The following ZNF469 variants were observed in gnomAD, a reference collection of about 807,000 sequenced individuals.
The protein encoded by ZNF469 is zinc finger protein 469.
Under a neutral mutation model 1.0 loss-of-function variants are expected in ZNF469, and 1 was observed. The ratio of observed to expected loss-of-function variants is 1.00; its 90% CI spans 0.35 to 4.73. The LOEUF is 4.73. Ranked by LOEUF, ZNF469 falls within the 30% of genes most tolerant of loss-of-function variation. ZNF469 has a pLI of 0.16. For missense variants in ZNF469, 6,100 were observed against 5,356.3 expected, an observed-to-expected ratio of 1.14 and a Z score of -4.33; for synonymous variants, 2,703 against 2,363.4, an observed-to-expected ratio of 1.14 and a Z score of -4.17.
chr16:88,191,996 C>T, the ZNF469 span: 1 of 152,194 alleles, frequency 6.6e-6, no homozygotes, highest in Non-Finnish European at 1.5e-5. Flanking sequence ...TTAGATGAGG[C>T]CATGAAGGTG....
the ZNF469 span, among the ~76,000 whole-genome samples, chr16:88,336,575 G>A: frequency 1.3e-5 from 2 of 150,632 alleles, no homozygotes; most frequent in East Asian, 2.0e-4. Context: ...CATCCTTCAT[G>A]TGAGACACTG....
chr16:88,179,633 G>T, the ZNF469 span, among the ~76,000 whole-genome samples: 4 of 152,194 alleles, frequency 2.6e-5, no homozygotes, highest in African/African-American at 7.2e-5. Context: ...TCCAGCAGGG[G>T]CCTGGAAGTC....
the ZNF469 span, among the ~76,000 whole-genome samples, chr16:88,126,908 C>A: frequency 6.6e-6 from 1 of 152,016 alleles, no homozygotes; most frequent in Non-Finnish European, 1.5e-5. Flanking sequence ...CAACCTCTGT[C>A]CCCCGGGTTC....
the ZNF469 span, among the ~76,000 whole-genome samples, chr16:88,360,535 C>G: frequency 1.5e-5 from 2 of 133,890 alleles, no homozygotes; most frequent in Non-Finnish European, 1.6e-5. Flanking sequence ...CGCCTGCATG[C>G]TCCCTCAAAG....
At chr16:88,109,528 C>A in the ZNF469 span, among the ~76,000 whole-genome samples, 1 of 151,398 alleles carries the variant, frequency 6.6e-6, no homozygotes, top group Non-Finnish European at 1.5e-5. Flanking sequence ...CACGCTGTCT[C>A]CTCCCTGGGA....
chr16:88,287,726 G>C, the ZNF469 span, among the ~76,000 whole-genome samples: 1 of 152,246 alleles, frequency 6.6e-6, no homozygotes, highest in South Asian at 2.1e-4. Context: ...ATGAATGCTG[G>C]TGTGACGCTA....
chr16:88,101,611 C>A, the ZNF469 span, among the ~76,000 whole-genome samples: 2 of 151,494 alleles, frequency 1.3e-5, no homozygotes, highest in Non-Finnish European at 2.9e-5. Context: ...CCCGGCCACC[C>A]AGGGGCAGGA....
the ZNF469 span, among the ~76,000 whole-genome samples, chr16:88,247,049 GAGTGAGTGAT>G: frequency 2.3e-5 from 2 of 86,994 alleles, no homozygotes; most frequent in Non-Finnish European, 4.1e-5. Context: ...GTGAATGAAT[GAGTGAGTGAT>G]TGAGTGAGTG....
chr16:88,247,969 C>T, the ZNF469 span, among the ~76,000 whole-genome samples: 3 of 152,184 alleles, frequency 2.0e-5, no homozygotes, highest in Admixed American at 1.3e-4. Flanking sequence ...CAGTGGTCGT[C>T]CCAAGCTGTG....
At chr16:88,331,300 CCATCATTAT>C in the ZNF469 span, among the ~76,000 whole-genome samples, 3 of 150,464 alleles carry the variant, frequency 2.0e-5, no homozygotes, top group Admixed American at 2.0e-4. Context: ...ACCACCATCA[CCATCATTAT>C]CATCATTGTT....
the ZNF469 span, among the ~76,000 whole-genome samples, chr16:88,152,826 T>C: frequency 6.6e-6 from 1 of 152,210 alleles, no homozygotes; most frequent in Non-Finnish European, 1.5e-5. This position sits in a 1 kb window ranked among gnomAD's most constrained non-coding sequence, Gnocchi z 4.2. Flanking sequence ...TTTGTGTTTC[T>C]GACACAAACC....
In ZNF469 at chr16:88,439,789, A is replaced by G. The variant is rs3896672; in HGVS notation, c.*457A>G. On this transcript the variant is annotated 3_prime_UTR_variant, in exon 3 of 3. Transcript: ENST00000565624. The stretch of plus-strand genomic sequence containing the variant: ...GTCTTGCTGCTGTTGCTGGAATTCC[A>G]AAGTGACCTTAGAAACCACGTGGGG... 8.4e-6 allele frequency: 2 copies of G among 237,444 alleles called. No homozygotes were observed. Among genetic ancestry groups the G allele is most frequent in the Admixed American group, 5.2e-5 (1 of 19,194 alleles). The allele number at this position is 237,444 out of a possible 1,614,324, so 14.7% of individuals were successfully genotyped here. A position where few individuals can be genotyped will look rare whatever the true frequency, so the allele number is the denominator to read the frequency against.
the ZNF469 span, among the ~76,000 whole-genome samples, chr16:88,209,651 G>C: frequency 1.3e-5 from 2 of 152,142 alleles, no homozygotes; most frequent in African/African-American, 2.4e-5. Context: ...TTACCCAGAA[G>C]ATGGCATGTT....
upstream of ZNF469, among the ~76,000 whole-genome samples, chr16:88,380,923 CACA>C (rs1567495725): frequency 5.9e-4 from 30 of 50,696 alleles, 1 homozygote; most frequent in African/African-American, 9.2e-3. Flanking sequence ...CATGCACTCA[CACA>C]GACACGCACT....
the ZNF469 span, among the ~76,000 whole-genome samples, chr16:88,236,953 T>G: frequency 1.3e-5 from 2 of 152,170 alleles, no homozygotes; most frequent in Middle Eastern, 3.4e-3. Context: ...TAATAAACTA[T>G]TTTTAAGAGC....
the ZNF469 span, among the ~76,000 whole-genome samples, chr16:88,162,195 G>A: frequency 1.3e-5 from 2 of 152,000 alleles, no homozygotes; most frequent in African/African-American, 4.8e-5. Flanking sequence ...AGCTTCCTGG[G>A]TCTCTTAGAC....
chr16:88,171,729 C>T, the ZNF469 span, among the ~76,000 whole-genome samples: 1 of 152,214 alleles, frequency 6.6e-6, no homozygotes, highest in Admixed American at 6.5e-5. Flanking sequence ...GAGAAACGGT[C>T]TTTATCCTGA....
Position 88,434,105 on chromosome 16 carries a change from G to T in ZNF469, c.6635G>T (p.Gly2212Val). Residue 2212 changes from glycine (G) to valine (V), a missense_variant, in exon 3 of 3, where the codon GGT becomes GTT. Transcript: ENST00000565624. ...SPCDPKEALA[G>V]CLLQGEGSPL... ...TGCGATCCCAAGGAAGCCCTGGCTG[G>T]TTGCCTTCTCCAGGGGGAGGGCAGC... 2 of 1,550,274 alleles carry T rather than the reference G, an allele frequency of 1.3e-6. No homozygotes were observed. The highest frequency in any genetic ancestry group is 2.4e-5 in the East Asian group (1 of 40,934).
chr16:88,207,665 A>G, the ZNF469 span, among the ~76,000 whole-genome samples: 1 of 150,984 alleles, frequency 6.6e-6, no homozygotes, highest in African/African-American at 2.4e-5. Flanking sequence ...GCCGCCCTGC[A>G]CCTGGGAGAG....
Sources: gnomAD v4.1 joint callset for allele counts (sites outside exome capture counted in the v4.1 genomes callset) on GRCh38, gnomAD v4.1.1 for gene constraint, Gnocchi (gnomAD v3.1) non-coding constraint, MANE v1.5 for transcripts, NCBI Gene and HGNC (gene_info 2026-07-23, HGNC 2026-07-21) for gene names.